Variants in PTPRD observed in about 807,000 individuals in gnomAD.
The protein encoded by PTPRD is receptor-type tyrosine-protein phosphatase delta.
Under a neutral mutation model 214.5 loss-of-function variants are expected in PTPRD, and 34 were observed. That is an observed-to-expected ratio of 0.16 (90% CI 0.12 to 0.21). The LOEUF is 0.21. Among genes scored for constraint, PTPRD ranks in the 10% least tolerant of loss-of-function variants. The pLI is 1.00. For synonymous variants in PTPRD, 1,128 were observed against 845.7 expected (o/e 1.33, Z -5.79); for missense variants, 2,545 against 2,398.7 (o/e 1.06, Z -1.27).
chr9:10,542,116 A>G (rs1285023832), intron 2 of PTPRD, among the ~76,000 whole-genome samples: 4 of 152,136 alleles, frequency 2.6e-5, no homozygotes, highest in Admixed American at 1.3e-4. Flanking sequence ...AAGACTAATA[A>G]AAGACTTCAG....
At chr9:9,019,679 C>T (rs62531091) in intron 10 of PTPRD, among the ~76,000 whole-genome samples, 47,856 of 152,062 alleles carry the variant, frequency 0.31, 8,128 homozygotes, top group Non-Finnish European at 0.38. Flanking sequence ...GCACTCCATC[C>T]CAGGTGACAG....
chr9:8,370,341 C>G (rs1372245831), intron 39 of PTPRD, among the ~76,000 whole-genome samples: 2 of 151,846 alleles, frequency 1.3e-5, no homozygotes, highest in Non-Finnish European at 2.9e-5. Context: ...CTCTGCAATA[C>G]GAAGAGTAAG....
chr9:9,743,051 CT>C (rs2098420348), intron 6 of PTPRD, among the ~76,000 whole-genome samples: 1 of 151,992 alleles, frequency 6.6e-6, no homozygotes, highest in Non-Finnish European at 1.5e-5. Flanking sequence ...TATAATTTAT[CT>C]TGTCCTTTCA....
At chr9:10,252,285 C>T (rs1441014623) in intron 3 of PTPRD, among the ~76,000 whole-genome samples, 1 of 152,128 alleles carries the variant, frequency 6.6e-6, no homozygotes, top group Non-Finnish European at 1.5e-5. Context: ...GCAATAGTGT[C>T]TGTGTGCCAC....
chr9:10,037,285 G>A (rs537680387), intron 3 of PTPRD, among the ~76,000 whole-genome samples: 2 of 152,122 alleles, frequency 1.3e-5, no homozygotes, highest in African/African-American at 2.4e-5. Flanking sequence ...GGCCTGGTGG[G>A]AGGTGATTGT....
chr9:9,531,333 AG>A (rs1202908909), intron 8 of PTPRD, among the ~76,000 whole-genome samples: 1 of 152,150 alleles, frequency 6.6e-6, no homozygotes, highest in East Asian at 1.9e-4. Flanking sequence ...AAGGAAATTG[AG>A]GGCTGAGAGA....
At chr9:8,421,978 T>A (rs1029252901) in intron 35 of PTPRD, among the ~76,000 whole-genome samples, 8 of 151,382 alleles carry the variant, frequency 5.3e-5, no homozygotes, top group Admixed American at 5.3e-4. Flanking sequence ...CGAAACCTCA[T>A]CTCTACAAAA....
chr9:8,904,512 A>C (rs888799080), intron 11 of PTPRD, among the ~76,000 whole-genome samples: 2 of 152,058 alleles, frequency 1.3e-5, no homozygotes, highest in African/African-American at 4.8e-5. Flanking sequence ...TCTCTACTAA[A>C]AACACAAAAA....
intron 3 of PTPRD, among the ~76,000 whole-genome samples, chr9:10,216,509 C>A (rs984055389): frequency 1.3e-5 from 2 of 151,798 alleles, no homozygotes; most frequent in Non-Finnish European, 2.9e-5. Flanking sequence ...TATTTTGTAT[C>A]AACTATTAGA....
chr9:10,031,644 A>G (rs893604452), intron 4 of PTPRD, among the ~76,000 whole-genome samples: 1 of 123,562 alleles, frequency 8.1e-6, no homozygotes, highest in Non-Finnish European at 1.6e-5. Flanking sequence ...ATATATATAT[A>G]TATACACACA....
intron 8 of PTPRD, among the ~76,000 whole-genome samples, chr9:9,411,020 C>A (rs1180775128): frequency 1.3e-5 from 2 of 151,762 alleles, no homozygotes; most frequent in Non-Finnish European, 2.9e-5. Context: ...TTTTTTTTCC[C>A]ACCACAGCTG....
chr9:9,694,188 T>A (rs990927696), intron 7 of PTPRD, among the ~76,000 whole-genome samples: 1 of 152,112 alleles, frequency 6.6e-6, no homozygotes, highest in Admixed American at 6.6e-5. Context: ...ATTGAAGAGT[T>A]AGGTATTTAT....
intron 5 of PTPRD, among the ~76,000 whole-genome samples, chr9:9,778,808 G>T (rs532601664): frequency 6.6e-6 from 1 of 151,906 alleles, no homozygotes; most frequent in Non-Finnish European, 1.5e-5. Context: ...GGAGTACAGA[G>T]TTATTCCTAC....
At chr9:8,514,063 G>A (rs1232955870) in intron 21 of PTPRD, among the ~76,000 whole-genome samples, 1 of 152,044 alleles carries the variant, frequency 6.6e-6, no homozygotes, top group Non-Finnish European at 1.5e-5. Context: ...TTAAATCAGA[G>A]CTTTTGAAAG....
chr9:8,844,845 G>A (rs1291527342), intron 11 of PTPRD, among the ~76,000 whole-genome samples: 2 of 152,158 alleles, frequency 1.3e-5, no homozygotes, highest in African/African-American at 4.8e-5. Context: ...GGTAGTTGGT[G>A]TTATTATTTA....
intron 9 of PTPRD, among the ~76,000 whole-genome samples, chr9:9,215,561 G>C (rs971310529): frequency 6.6e-6 from 1 of 152,138 alleles, no homozygotes; most frequent in African/African-American, 2.4e-5. Context: ...CTCTGTTTTG[G>C]CAGGAATTTC....
At chr9:9,508,737 C>T (rs1335227669) in intron 8 of PTPRD, among the ~76,000 whole-genome samples, 1 of 151,540 alleles carries the variant, frequency 6.6e-6, no homozygotes, top group Non-Finnish European at 1.5e-5. Context: ...CCTGGAAGAA[C>T]ATTCATCCTT....
At chr9:10,553,656 T>C (rs17792357) in intron 2 of PTPRD, among the ~76,000 whole-genome samples, 28,396 of 152,126 alleles carry the variant, frequency 0.19, 3,043 homozygotes, top group Admixed American at 0.28. Flanking sequence ...TAAAGTGGCA[T>C]GTATAAATCA....
chr9:9,604,390 C>A (rs2094005535), intron 7 of PTPRD, among the ~76,000 whole-genome samples: 1 of 151,868 alleles, frequency 6.6e-6, no homozygotes, highest in Non-Finnish European at 1.5e-5. Flanking sequence ...AATATTTGGC[C>A]TTTGTAATCT....
Sources: gnomAD v4.1 joint callset for allele counts (sites outside exome capture counted in the v4.1 genomes callset) on GRCh38, gnomAD v4.1.1 for gene constraint, MANE v1.5 for transcripts, NCBI Gene and HGNC (gene_info 2026-07-23, HGNC 2026-07-21) for gene names.